Variants in FRMD6 observed in about 807,000 individuals in gnomAD.
FRMD6 encodes the protein FERM domain containing 6, also known as FERM domain-containing protein 6.
Under a neutral mutation model 73.2 loss-of-function variants are expected in FRMD6, and 37 were observed. The observed-to-expected ratio is 0.51, with a 90% CI of 0.39 to 0.66. The LOEUF (loss-of-function observed/expected upper bound fraction) is 0.66. Ranked by LOEUF, FRMD6 falls within the 30% of genes least tolerant of loss-of-function variation. The pLI, the probability that FRMD6 is intolerant of heterozygous loss-of-function variation, is 0.00. For synonymous variants in FRMD6, 273 were observed against 282.2 expected (o/e 0.97, Z 0.33); for missense variants, 714 against 780.5 (o/e 0.91, Z 1.02).
intron 1 of FRMD6, among the ~76,000 whole-genome samples, chr14:51,492,785 A>G (rs1160244978): frequency 1.3e-5 from 2 of 152,240 alleles, no homozygotes; most frequent in Non-Finnish European, 2.9e-5. Context: ...AGAACCTGGC[A>G]AAGTAGAAAG....
At chr14:51,423,328 C>G in the FRMD6 span, among the ~76,000 whole-genome samples, 1 of 152,352 alleles carries the variant, frequency 6.6e-6, no homozygotes, top group African/African-American at 2.4e-5. Flanking sequence ...CCGTCTGTCA[C>G]TGTCTGAAGG....
At chr14:51,478,200 T>A in the FRMD6 span, among the ~76,000 whole-genome samples, 2 of 152,252 alleles carry the variant, frequency 1.3e-5, no homozygotes, top group Non-Finnish European at 2.9e-5. Flanking sequence ...TATTATAGGA[T>A]CACATGGCTT....
At chr14:51,689,062 G>A (rs1895368512) in intron 1 of FRMD6, among the ~76,000 whole-genome samples, 2 of 152,156 alleles carry the variant, frequency 1.3e-5, no homozygotes, top group South Asian at 2.1e-4. Flanking sequence ...GAAAAATCAA[G>A]TATGCATTAT....
At chr14:51,527,529 C>T (rs554845462) in intron 1 of FRMD6, among the ~76,000 whole-genome samples, 10 of 152,314 alleles carry the variant, frequency 6.6e-5, no homozygotes, top group African/African-American at 2.4e-4. Flanking sequence ...GAAAATAGTA[C>T]TCTCTCCTCC....
chr14:51,682,179 A>G (rs1021235984), intron 1 of FRMD6, among the ~76,000 whole-genome samples: 1 of 152,178 alleles, frequency 6.6e-6, no homozygotes, highest in Non-Finnish European at 1.5e-5. Context: ...TTCTACTTAT[A>G]TATTCCCTGT....
At chr14:51,402,813 T>C in the FRMD6 span, among the ~76,000 whole-genome samples, 1 of 152,100 alleles carries the variant, frequency 6.6e-6, no homozygotes, top group Non-Finnish European at 1.5e-5. Flanking sequence ...TAATTTTTTG[T>C]ATTTTTAGTA....
chr14:51,706,589 T>C (rs143209113), intron 6 of FRMD6, among the ~76,000 whole-genome samples: 157 of 152,214 alleles, frequency 1.0e-3, no homozygotes, highest in African/African-American at 3.6e-3. Context: ...CTTCAGGTCT[T>C]TCTTCTTGCA....
At chr14:51,584,671 T>G (rs1596656246) in intron 2 of FRMD6, among the ~76,000 whole-genome samples, 1 of 152,144 alleles carries the variant, frequency 6.6e-6, no homozygotes, top group East Asian at 1.9e-4. Context: ...TTGTCAACCC[T>G]GAGATGAAAT....
intron 1 of FRMD6, among the ~76,000 whole-genome samples, chr14:51,659,211 A>G (rs940768722): frequency 2.6e-5 from 4 of 152,228 alleles, no homozygotes; most frequent in African/African-American, 7.2e-5. Context: ...TTTCCTCATC[A>G]GTAAAGTGGG....
At chr14:51,493,992 T>G (rs557724438) in intron 1 of FRMD6, among the ~76,000 whole-genome samples, 59 of 152,332 alleles carry the variant, frequency 3.9e-4, no homozygotes, top group African/African-American at 1.3e-3. Context: ...TTACTCTAAC[T>G]GGTGGAAGGT....
the FRMD6 span, among the ~76,000 whole-genome samples, chr14:51,417,134 G>A: frequency 1.3e-5 from 2 of 152,036 alleles, no homozygotes; most frequent in African/African-American, 2.4e-5. Flanking sequence ...TTTTAATTGA[G>A]GCATTTAGCC....
At chr14:51,678,864 A>G (rs1221364935) in intron 1 of FRMD6, among the ~76,000 whole-genome samples, 7 of 152,026 alleles carry the variant, frequency 4.6e-5, no homozygotes, top group Admixed American at 4.6e-4. Context: ...GATAATATGC[A>G]AGGGATAATA....
At chr14:51,431,413 G>C in the FRMD6 span, among the ~76,000 whole-genome samples, 14 of 152,158 alleles carry the variant, frequency 9.2e-5, no homozygotes, top group African/African-American at 2.9e-4. Flanking sequence ...AAAGACTCCA[G>C]AAAAGTCACC....
intron 8 of FRMD6, among the ~76,000 whole-genome samples, chr14:51,711,966 T>G (rs538044260): frequency 1.3e-5 from 2 of 152,222 alleles, no homozygotes; most frequent in African/African-American, 4.8e-5. Context: ...AAAAACAACA[T>G]TTTAATATTG....
intron 1 of FRMD6, among the ~76,000 whole-genome samples, chr14:51,537,606 C>T (rs1461219495): frequency 1.3e-5 from 2 of 152,138 alleles, no homozygotes; most frequent in South Asian, 2.1e-4. Context: ...AAGTGGCTAT[C>T]CTATTTTGCA....
chr14:51,479,062 C>T, the FRMD6 span, among the ~76,000 whole-genome samples: 2 of 152,182 alleles, frequency 1.3e-5, no homozygotes, highest in Non-Finnish European at 2.9e-5. Flanking sequence ...ACAACCTCCC[C>T]TACCTTGTAG....
intron 1 of FRMD6, among the ~76,000 whole-genome samples, chr14:51,507,627 C>A (rs964201825): frequency 6.6e-6 from 1 of 152,120 alleles, no homozygotes; most frequent in Non-Finnish European, 1.5e-5. Context: ...GCTTCTGAAG[C>A]GGAGGACCTC....
At chr14:51,506,730 ATAAAGATACCTG>A (rs1883983192) in intron 1 of FRMD6, among the ~76,000 whole-genome samples, 1 of 152,238 alleles carries the variant, frequency 6.6e-6, no homozygotes, top group African/African-American at 2.4e-5. Flanking sequence ...TGATATTTAT[ATAAAGATACCTG>A]TTTATATCAA....
chr14:51,544,045 T>G (rs1370342749), intron 1 of FRMD6, among the ~76,000 whole-genome samples: 1 of 152,032 alleles, frequency 6.6e-6, no homozygotes. Flanking sequence ...CAGCACAGCT[T>G]CAACAGTTAT....
Sources: allele counts gnomAD v4.1 joint callset (sites outside exome capture counted in the v4.1 genomes callset), GRCh38; gene constraint gnomAD v4.1.1; transcripts MANE v1.5; gene names NCBI Gene and HGNC (gene_info 2026-07-23, HGNC 2026-07-21).